Variants in XRN1 observed in about 807,000 individuals in gnomAD.
XRN1 encodes the protein 5'-3' exoribonuclease 1.
Under a neutral mutation model 222.3 loss-of-function variants are expected in XRN1, and 67 were observed. The ratio of observed to expected loss-of-function variants is 0.30; its 90% confidence interval spans 0.25 to 0.37. The LOEUF (loss-of-function observed/expected upper bound fraction) is 0.37, where lower values mean the gene tolerates loss of function less well. Ranked by LOEUF, XRN1 falls within the 10% of genes least tolerant of loss-of-function variation. XRN1 has a pLI of 1.00. For synonymous variants in XRN1, 643 were observed against 652.4 expected (o/e 0.99, Z 0.22); for missense variants, 1,707 against 2,000.2 (o/e 0.85, Z 2.80).
At position 142,397,568 on chromosome 3, in the gene XRN1, C is replaced by CA. The variant is rs994389838; in HGVS notation, c.2208-109dup. 7.2e-5 allele frequency: 55 copies of CA among 762,378 alleles called. No individual in the cohort carries two copies. In the African/African-American group the frequency reaches 9.4e-4, roughly 13 times the overall value. The allele number at this position is 762,378 out of a possible 1,614,324, so 47.2% of individuals were successfully genotyped here. A position where few individuals can be genotyped will look rare whatever the true frequency, so the allele number is the denominator to read the frequency against. The stretch of plus-strand genomic sequence containing the variant: ...ATATTTTTTTCACATGGTATACTAG[C>CA]AAAAAACCCCACAACTGTAATGTAA... On this transcript the variant is annotated intron_variant, in intron 19 of 40. Coordinates refer to ENST00000392981, the MANE Select transcript of XRN1 (RefSeq NM_001282857.2).
intron 36 of XRN1, among the ~76,000 whole-genome samples, chr3:142,331,142 C>T (rs1035704257): frequency 1.3e-5 from 2 of 152,106 alleles, no homozygotes; most frequent in Non-Finnish European, 2.9e-5. Context: ...ATCTTTAATA[C>T]GCTTAGATCT....
At chr3:142,387,702 C>T (rs189382110) in intron 20 of XRN1, among the ~76,000 whole-genome samples, 32 of 152,244 alleles carry the variant, frequency 2.1e-4, no homozygotes, top group Admixed American at 1.6e-3. Flanking sequence ...CCAAGTCTCA[C>T]GTTGAAATCC....
At chr3:142,389,719 C>T (rs2067645110) in intron 20 of XRN1, among the ~76,000 whole-genome samples, 1 of 152,174 alleles carries the variant, frequency 6.6e-6, no homozygotes, top group African/African-American at 2.4e-5. Context: ...AGTGTTTCAT[C>T]ATGTTGGCCA....
chr3:142,446,863 C>A (rs2070526585), intron 1 of XRN1, among the ~76,000 whole-genome samples: 1 of 152,236 alleles, frequency 6.6e-6, no homozygotes. Flanking sequence ...GCAACAAAAA[C>A]TCCTTTCCAG....
chr3:142,390,647 A>G (rs1295650644), intron 20 of XRN1, among the ~76,000 whole-genome samples: 1 of 152,208 alleles, frequency 6.6e-6, no homozygotes, highest in African/African-American at 2.4e-5. Context: ...TATTAGCAAT[A>G]AGGTTGTTTA....
intron 32 of XRN1, among the ~76,000 whole-genome samples, chr3:142,347,740 C>T (rs1233969362): frequency 2.6e-5 from 4 of 151,524 alleles, no homozygotes; most frequent in African/African-American, 4.9e-5. Flanking sequence ...TGGGACTACA[C>T]GTGAGTACCA....
Position 142,311,460 on chromosome 3 carries a change from TA to T in XRN1, c.*50del. 1 of 1,456,814 alleles carries T rather than the reference TA, an allele frequency of 6.9e-7. No individual in the cohort carries two copies. Among genetic ancestry groups the T allele is most frequent in the Non-Finnish European group, 9.2e-7 (1 of 1,081,544 alleles). The allele number at this position is 1,456,814 out of a possible 1,614,324, so 90.2% of individuals were successfully genotyped here. The stretch of plus-strand genomic sequence containing the variant: ...TTTATGAGACATAGATATGTATTTA[TA>T]AAAAGGTAGATGGAAAGAGAAGAAA... On this transcript the variant is annotated 3_prime_UTR_variant, in exon 41 of 41. Transcript: ENST00000392981.
intron 23 of XRN1, among the ~76,000 whole-genome samples, chr3:142,379,472 G>A (rs1412730981): frequency 6.6e-6 from 1 of 152,180 alleles, no homozygotes; most frequent in Non-Finnish European, 1.5e-5. Context: ...AACGAGGCAT[G>A]AGAGTCAGAA....
intron 33 of XRN1, among the ~76,000 whole-genome samples, chr3:142,338,080 G>C (rs1313907430): frequency 6.6e-6 from 1 of 152,160 alleles, no homozygotes; most frequent in Non-Finnish European, 1.5e-5. Flanking sequence ...TGTTGAGTTG[G>C]GCTTGCAGCC....
intron 2 of XRN1, among the ~76,000 whole-genome samples, chr3:142,431,654 T>C (rs2108153902): frequency 6.7e-6 from 1 of 149,994 alleles, no homozygotes; most frequent in South Asian, 2.1e-4. Flanking sequence ...CCGTCTCTAC[T>C]AAAAATACAA....
intron 2 of XRN1, among the ~76,000 whole-genome samples, chr3:142,430,210 C>T (rs2069462977): frequency 6.6e-6 from 1 of 152,138 alleles, no homozygotes. Flanking sequence ...TTACGGCTCA[C>T]CTAGATTCCC....
chr3:142,347,401 C>A (rs890633065), intron 32 of XRN1, 59 bp from the exon 33 acceptor site: 16 of 1,044,648 alleles, frequency 1.5e-5, no homozygotes, highest in Non-Finnish European at 2.2e-5. Context: ...TACTTCTTAT[C>A]TTCAACTTTT....
rs769044581 is a variant in XRN1, at chr3:142,370,636, T to A, written c.3069-16A>T. 2 of 1,552,016 alleles carry A rather than the reference T, an allele frequency of 1.3e-6. No homozygotes were observed. Among genetic ancestry groups the A allele is most frequent in the African/African-American group, 1.4e-5 (1 of 71,344 alleles). On this transcript the variant is annotated splice_polypyrimidine_tract_variant and intron_variant, in intron 26 of 40. Coordinates refer to ENST00000392981, the MANE Select transcript of XRN1 (RefSeq NM_001282857.2). ...TTTTTCAGCACTAAAGCAAAAACAA[T>A]AATTTTTAAAATTTGATTAAAACTT...
chr3:142,423,732 G>A, intron 5 of XRN1, 90 bp from the exon 6 acceptor site: 8 of 946,686 alleles, frequency 8.5e-6, no homozygotes, highest in Admixed American at 3.3e-5. Context: ...TTCTATACAA[G>A]GAAGAATAAG....
intron 18 of XRN1, 141 bp downstream of exon 18, chr3:142,403,533 G>T: frequency 1.5e-6 from 1 of 673,638 alleles, no homozygotes; most frequent in Non-Finnish European, 2.5e-6. Context: ...TAATTTGTAT[G>T]AATGTTTCTT....
At chr3:142,416,071 C>T (rs1036729395) in intron 13 of XRN1, among the ~76,000 whole-genome samples, 4 of 151,850 alleles carry the variant, frequency 2.6e-5, no homozygotes, top group South Asian at 2.1e-4. Flanking sequence ...GCTGACAGAA[C>T]GAGACTCTGT....
chr3:142,314,416 T>G (rs1189583148), intron 39 of XRN1, among the ~76,000 whole-genome samples: 1 of 152,130 alleles, frequency 6.6e-6, no homozygotes, highest in Non-Finnish European at 1.5e-5. Context: ...CAATTCTTCT[T>G]TAGAGAAGTT....
intron 20 of XRN1, among the ~76,000 whole-genome samples, chr3:142,385,766 C>T (rs2067477485): frequency 6.6e-6 from 1 of 151,796 alleles, no homozygotes; most frequent in East Asian, 1.9e-4. Flanking sequence ...TATTAAAATT[C>T]TGATATTATT....
At chr3:142,352,239 C>T (rs73238152) in intron 32 of XRN1, among the ~76,000 whole-genome samples, 17,924 of 152,146 alleles carry the variant, frequency 0.12, 1,084 homozygotes, top group Non-Finnish European at 0.14. Flanking sequence ...GGCCCCAAGG[C>T]ATAATTGGGC....
Sources: allele counts gnomAD v4.1 joint callset (sites outside exome capture counted in the v4.1 genomes callset), GRCh38; gene constraint gnomAD v4.1.1; transcripts MANE v1.5; gene names NCBI Gene and HGNC (gene_info 2026-07-23, HGNC 2026-07-21).